STARD13: variants seen among roughly 807,000 people sequenced by gnomAD.
The protein encoded by STARD13 is stAR-related lipid transfer protein 13.
In STARD13, 62 loss-of-function variants were observed where a neutral mutation model predicts 106.4. The observed-to-expected ratio is 0.58, with a 90% confidence interval of 0.48 to 0.72. The LOEUF is 0.72. Ranked by LOEUF, STARD13 falls within the 30% of genes least tolerant of loss-of-function variation. The probability of loss-of-function intolerance (pLI) is 0.00; values close to 1 mark genes in which losing one functional copy is unlikely to be tolerated. For missense variants in STARD13, 1,387 were observed against 1,424.0 expected (o/e 0.97, Z 0.42); for synonymous variants, 565 against 553.0 (o/e 1.02, Z -0.31).
chr13:33,232,347 A>G (rs1888967326), intron 1 of STARD13, among the ~76,000 whole-genome samples: 1 of 152,196 alleles, frequency 6.6e-6, no homozygotes, highest in Non-Finnish European at 1.5e-5. Context: ...AGCTATGTAA[A>G]TAATTCTTGT....
chr13:33,161,670 G>T (rs990706898), intron 3 of STARD13, among the ~76,000 whole-genome samples: 1 of 152,120 alleles, frequency 6.6e-6, no homozygotes, highest in Non-Finnish European at 1.5e-5. Flanking sequence ...ATTTGTCAAA[G>T]CTCAAAGACC....
the STARD13 span, among the ~76,000 whole-genome samples, chr13:33,599,701 TGA>T: frequency 7.2e-5 from 11 of 152,096 alleles, 1 homozygote; most frequent in East Asian, 1.9e-3. Context: ...ACTAGCGCTA[TGA>T]GAGAGAGAGT....
chr13:33,384,391 T>C, the STARD13 span, among the ~76,000 whole-genome samples: 15 of 152,172 alleles, frequency 9.9e-5, no homozygotes. Flanking sequence ...CAGAAACCAC[T>C]CAGTAGGGTT....
intron 1 of STARD13, among the ~76,000 whole-genome samples, chr13:33,189,892 T>C (rs1430229048): frequency 6.6e-6 from 1 of 152,080 alleles, no homozygotes; most frequent in Non-Finnish European, 1.5e-5. Flanking sequence ...TACTTTCAAC[T>C]GCAACCCACT....
intron 1 of STARD13, among the ~76,000 whole-genome samples, chr13:33,197,230 C>T (rs1387624923): frequency 6.6e-6 from 1 of 152,204 alleles, no homozygotes; most frequent in Non-Finnish European, 1.5e-5. Context: ...CAGCCCAAGA[C>T]TGAGGAGGTC....
the STARD13 span, among the ~76,000 whole-genome samples, chr13:33,525,530 TA>T: frequency 1.3e-5 from 2 of 152,106 alleles, no homozygotes; most frequent in African/African-American, 2.4e-5. Context: ...AAGAGAATCC[TA>T]AAATTTCTAA....
chr13:33,325,750 T>G (rs1360936505), intron 1 of STARD13, among the ~76,000 whole-genome samples: 1 of 151,862 alleles, frequency 6.6e-6, no homozygotes, highest in East Asian at 1.9e-4. Flanking sequence ...ATCCCAGCAC[T>G]TGGGGAGGCC....
At chr13:33,632,821 T>G in the STARD13 span, among the ~76,000 whole-genome samples, 1 of 152,130 alleles carries the variant, frequency 6.6e-6, no homozygotes, top group Non-Finnish European at 1.5e-5. Context: ...ATTCTTTTTT[T>G]TTTTTTCATT....
chr13:33,439,282 A>G, the STARD13 span, among the ~76,000 whole-genome samples: 1 of 152,236 alleles, frequency 6.6e-6, no homozygotes, highest in African/African-American at 2.4e-5. Context: ...TACAAAAGCT[A>G]TACAAATAAA....
At chr13:33,396,942 G>A in the STARD13 span, among the ~76,000 whole-genome samples, 38 of 152,158 alleles carry the variant, frequency 2.5e-4, no homozygotes, top group Admixed American at 2.5e-3. Flanking sequence ...TCCAGCAAAA[G>A]CAAAAAAATC....
chr13:33,462,630 T>C, the STARD13 span, among the ~76,000 whole-genome samples: 4 of 152,284 alleles, frequency 2.6e-5, no homozygotes, highest in African/African-American at 4.8e-5. Flanking sequence ...AAACCACTGG[T>C]AAAAGTCCAA....
chr13:33,276,017 A>C (rs1891412359), intron 1 of STARD13: 1 of 152,240 alleles, frequency 6.6e-6, no homozygotes, highest in South Asian at 2.1e-4. Flanking sequence ...GGCTTCTTCA[A>C]GATATTCTGC....
chr13:33,173,650 T>C (rs1455789212), intron 1 of STARD13, among the ~76,000 whole-genome samples: 4 of 152,352 alleles, frequency 2.6e-5, no homozygotes, highest in Non-Finnish European at 5.9e-5. Flanking sequence ...TTTCTTTCCA[T>C]GATTTTCTAA....
chr13:33,313,172 G>A (rs569896747), intron 1 of STARD13, among the ~76,000 whole-genome samples: 1 of 152,264 alleles, frequency 6.6e-6, no homozygotes, highest in East Asian at 1.9e-4. Context: ...TTACTGATGG[G>A]AATTTTTAAA....
intron 1 of STARD13, among the ~76,000 whole-genome samples, chr13:33,176,080 A>C (rs1184231360): frequency 6.6e-6 from 1 of 152,186 alleles, no homozygotes. Flanking sequence ...GGCAAGATAG[A>C]TACAGCTTGG....
At chr13:33,149,930 A>G (rs1881051037) in intron 3 of STARD13, among the ~76,000 whole-genome samples, 2 of 152,374 alleles carry the variant, frequency 1.3e-5, no homozygotes, top group South Asian at 4.1e-4. Context: ...CATAAGTAAT[A>G]TAAAATCCTT....
At chr13:33,169,214 C>G (rs1257328982) in intron 1 of STARD13, among the ~76,000 whole-genome samples, 1 of 152,224 alleles carries the variant, frequency 6.6e-6, no homozygotes, top group African/African-American at 2.4e-5. Flanking sequence ...TCCACAACTG[C>G]TGTTCAAAAC....
chr13:33,291,480 C>T (rs1481570497), intron 1 of STARD13, among the ~76,000 whole-genome samples: 1 of 152,184 alleles, frequency 6.6e-6, no homozygotes, highest in Non-Finnish European at 1.5e-5. Flanking sequence ...GTACATGGTA[C>T]ACTGTGTGCA....
At chr13:33,209,725 C>A (rs1167241846) in intron 1 of STARD13, among the ~76,000 whole-genome samples, 2 of 152,112 alleles carry the variant, frequency 1.3e-5, no homozygotes, top group South Asian at 2.1e-4. Flanking sequence ...ACTCCCAACA[C>A]TTTGGGAGAC....
Sources: gnomAD v4.1 joint callset for allele counts (sites outside exome capture counted in the v4.1 genomes callset) on GRCh38, gnomAD v4.1.1 for gene constraint, MANE v1.5 for transcripts, NCBI Gene and HGNC (gene_info 2026-07-23, HGNC 2026-07-21) for gene names.